The following EVI5 variants were observed in gnomAD, a reference collection of about 807,000 sequenced individuals.
EVI5 encodes the protein ecotropic viral integration site 5 protein homolog.
In EVI5, 73 loss-of-function variants were observed where a neutral mutation model predicts 112.0. The ratio of observed to expected loss-of-function variants is 0.65; its 90% CI spans 0.54 to 0.79. EVI5 has a LOEUF of 0.79. Among genes scored for constraint, EVI5 ranks in the 30% least tolerant of loss-of-function variants. The pLI is 0.00. For missense variants in EVI5, 900 were observed against 968.8 expected (o/e 0.93, Z 0.94); for synonymous variants, 305 against 319.9 (o/e 0.95, Z 0.50).
At chr1:92,773,372 C>A (rs979813655) in intron 1 of EVI5, among the ~76,000 whole-genome samples, 1 of 152,196 alleles carries the variant, frequency 6.6e-6, no homozygotes. Context: ...CCAAAAGAAG[C>A]AGACACAAAA....
At chr1:92,601,973 T>C (rs140443053) in intron 18 of EVI5, among the ~76,000 whole-genome samples, 1 of 152,198 alleles carries the variant, frequency 6.6e-6, no homozygotes, top group Non-Finnish European at 1.5e-5. Context: ...GATAGCATGA[T>C]TTAAACAACT....
Position 92,697,008 on chromosome 1 carries a change from C to T in EVI5, c.765+852G>A, listed in dbSNP as rs1037007897. On this transcript the variant is annotated intron_variant, in intron 6 of 19. Transcript: ENST00000684568. ...TGAGCCGACACCACGCCACTGCACT[C>T]CAGCCTGGGCCACAGAGCGAGACTC... 5.1e-4 allele frequency among the ~76,000 whole-genome samples: 78 copies of T among 152,204 alleles called. 1 individual carries two copies. Among genetic ancestry groups the T allele is most frequent in the South Asian group, 1.9e-3 (9 of 4,812 alleles).
intron 13 of EVI5, among the ~76,000 whole-genome samples, chr1:92,653,640 CTG>C (rs1282059187): frequency 6.6e-6 from 1 of 152,204 alleles, no homozygotes; most frequent in Non-Finnish European, 1.5e-5. Flanking sequence ...ACAGGGGTGA[CTG>C]TGGTCTTACT....
At chr1:92,553,596 C>G (rs1454460879) in intron 19 of EVI5, among the ~76,000 whole-genome samples, 1 of 152,050 alleles carries the variant, frequency 6.6e-6, no homozygotes, top group Non-Finnish European at 1.5e-5. Context: ...CCACCGTGCC[C>G]AGCCAATTTT....
chr1:92,592,852 C>T (rs550455544), intron 18 of EVI5, among the ~76,000 whole-genome samples: 3 of 152,318 alleles, frequency 2.0e-5, no homozygotes, highest in South Asian at 2.1e-4. Flanking sequence ...CACATACACC[C>T]TCCCAAGACT....
chr1:92,607,751 T>G (rs1650767011), intron 16 of EVI5, 24 bp from the exon 17 acceptor site: 3 of 1,535,846 alleles, frequency 2.0e-6, no homozygotes, highest in Non-Finnish European at 2.6e-6. Flanking sequence ...ATATAAATAC[T>G]GAGACTATAG....
At chr1:92,765,004 T>C (rs1247756581) in intron 1 of EVI5, among the ~76,000 whole-genome samples, 4 of 151,918 alleles carry the variant, frequency 2.6e-5, no homozygotes, top group Non-Finnish European at 5.9e-5. Context: ...ATCCAACAAA[T>C]AGAATAATTA....
chr1:92,762,816 A>G lies in EVI5; in HGVS notation c.-82+22020T>C, dbSNP rs572541907. On this transcript the variant is annotated intron_variant, in intron 1 of 19. Coordinates refer to ENST00000684568, the MANE Select transcript of EVI5 (RefSeq NM_001350197.2). ...AAACCAGTATTTTTTAAAAGGTCTC[A>G]GAGTGGGAGGGTGGGAGGCAGGTAA... Among the ~76,000 whole-genome samples, 20 of 152,272 alleles carry G rather than the reference A, an allele frequency of 1.3e-4. 1 individual carries two copies. The highest frequency in any genetic ancestry group is 4.8e-4 in the African/African-American group (20 of 41,556).
chr1:92,599,266 T>C (rs12563400), intron 18 of EVI5, among the ~76,000 whole-genome samples: 11,534 of 151,936 alleles, frequency 0.076, 1,220 homozygotes, highest in African/African-American at 0.24. Context: ...AAAGAAGAGT[T>C]TGAAAGAATT....
chr1:92,520,917 T>G (rs1346600715), intron 19 of EVI5, among the ~76,000 whole-genome samples: 1 of 151,526 alleles, frequency 6.6e-6, no homozygotes, highest in African/African-American at 2.4e-5. Context: ...TGAGATTGCT[T>G]CTTCTTCTTT....
intron 2 of EVI5, among the ~76,000 whole-genome samples, chr1:92,707,842 C>T (rs1170243852): frequency 6.6e-6 from 1 of 151,996 alleles, no homozygotes; most frequent in Admixed American, 6.6e-5. Context: ...AGCCCCAAAC[C>T]AGAAACAATC....
At chr1:92,619,455 T>C (rs945382522) in intron 16 of EVI5, among the ~76,000 whole-genome samples, 1 of 151,384 alleles carries the variant, frequency 6.6e-6, no homozygotes, top group Non-Finnish European at 1.5e-5. Flanking sequence ...CATATATATA[T>C]ATATATATAT....
At chr1:92,682,713 T>G (rs1389501896) in intron 9 of EVI5, among the ~76,000 whole-genome samples, 1 of 152,072 alleles carries the variant, frequency 6.6e-6, no homozygotes, top group Non-Finnish European at 1.5e-5. Flanking sequence ...ATCGCACCAT[T>G]GTACTCCAGC....
At chr1:92,739,049 A>C (rs1435072000) in intron 1 of EVI5, among the ~76,000 whole-genome samples, 2 of 152,064 alleles carry the variant, frequency 1.3e-5, no homozygotes, top group Non-Finnish European at 2.9e-5. Context: ...ACGCAGGCAG[A>C]TCACCCTGAG....
At chr1:92,704,075 G>A (rs1262098439) in intron 3 of EVI5, among the ~76,000 whole-genome samples, 3 of 151,962 alleles carry the variant, frequency 2.0e-5, no homozygotes, top group Non-Finnish European at 4.4e-5. Flanking sequence ...TTGGAGAGGC[G>A]GAGGTAGGAA....
intron 11 of EVI5, among the ~76,000 whole-genome samples, chr1:92,664,293 T>C (rs999142699): frequency 2.0e-5 from 3 of 152,286 alleles, no homozygotes; most frequent in African/African-American, 7.2e-5. Flanking sequence ...CAGAATTCAA[T>C]TGATACATAG....
intron 11 of EVI5, among the ~76,000 whole-genome samples, chr1:92,664,752 T>G (rs1287720588): frequency 6.6e-6 from 1 of 152,238 alleles, no homozygotes; most frequent in Non-Finnish European, 1.5e-5. Context: ...CTATTTAATA[T>G]GAAATCATCA....
intron 18 of EVI5, among the ~76,000 whole-genome samples, chr1:92,584,365 T>C (rs1242069927): frequency 1.3e-5 from 2 of 152,204 alleles, no homozygotes; most frequent in African/African-American, 4.8e-5. Flanking sequence ...TCTACATTGA[T>C]ATTTTCAACG....
intron 1 of EVI5, among the ~76,000 whole-genome samples, chr1:92,747,581 TTGGGTGC>T (rs1679472622): frequency 6.6e-6 from 1 of 151,600 alleles, no homozygotes; most frequent in Admixed American, 6.6e-5. Flanking sequence ...GGGAGTGATG[TTGGGTGC>T]CTGTAGTCCC....
Sources: gnomAD v4.1 joint callset for allele counts (sites outside exome capture counted in the v4.1 genomes callset) on GRCh38, gnomAD v4.1.1 for gene constraint, MANE v1.5 for transcripts, NCBI Gene and HGNC (gene_info 2026-07-23, HGNC 2026-07-21) for gene names.